MAGI2: variants seen among roughly 807,000 people sequenced by gnomAD.
The protein encoded by MAGI2 is membrane-associated guanylate kinase, WW and PDZ domain-containing protein 2.
MAGI2 carries 35 observed loss-of-function variants against 133.3 expected under a neutral mutation model. The ratio of observed to expected loss-of-function variants is 0.26; its 90% CI spans 0.20 to 0.35. The LOEUF is 0.35. Among genes scored for constraint, MAGI2 ranks in the 10% least tolerant of loss-of-function variants. The pLI, the probability that MAGI2 is intolerant of heterozygous loss-of-function variation, is 1.00. For synonymous variants in MAGI2, 729 were observed against 710.6 expected (o/e 1.03, Z -0.41); for missense variants, 1,636 against 1,863.4 (o/e 0.88, Z 2.25).
At chr7:78,838,059 T>C (rs1379254605) in intron 2 of MAGI2, among the ~76,000 whole-genome samples, 3 of 152,146 alleles carry the variant, frequency 2.0e-5, no homozygotes, top group African/African-American at 7.2e-5. Flanking sequence ...GCATCTTTAA[T>C]GCATCCACTT....
chr7:78,790,549 T>C (rs1052011346), intron 2 of MAGI2, among the ~76,000 whole-genome samples: 33 of 152,108 alleles, frequency 2.2e-4, no homozygotes, highest in African/African-American at 7.7e-4. Context: ...TTCTCATGCC[T>C]CAGCCTCTCA....
At chr7:78,331,927 G>C (rs1789247668) in intron 9 of MAGI2, among the ~76,000 whole-genome samples, 1 of 152,146 alleles carries the variant, frequency 6.6e-6, no homozygotes, top group African/African-American at 2.4e-5. Context: ...TAAGTGCATT[G>C]ACTTCCATGA....
intron 6 of MAGI2, among the ~76,000 whole-genome samples, chr7:78,471,854 G>T (rs991951578): frequency 7.2e-5 from 11 of 152,080 alleles, no homozygotes; most frequent in Admixed American, 7.2e-4. Flanking sequence ...GAACTCAGGA[G>T]ATGGAGGTTG....
chr7:79,207,932 T>A (rs1829191462), intron 1 of MAGI2, among the ~76,000 whole-genome samples: 1 of 151,768 alleles, frequency 6.6e-6, no homozygotes, highest in South Asian at 2.1e-4. Flanking sequence ...AACACACAAA[T>A]GAGAAATGCC....
intron 1 of MAGI2, among the ~76,000 whole-genome samples, chr7:79,064,395 G>A (rs1248602514): frequency 1.3e-5 from 2 of 152,014 alleles, no homozygotes; most frequent in Non-Finnish European, 2.9e-5. Flanking sequence ...ACTTGCATAA[G>A]ACCACAGAGT....
At chr7:79,080,375 T>C (rs961810101) in intron 1 of MAGI2, among the ~76,000 whole-genome samples, 1 of 152,076 alleles carries the variant, frequency 6.6e-6, no homozygotes, top group African/African-American at 2.4e-5. Flanking sequence ...TTATATATAT[T>C]CTCTGCATCC....
At chr7:79,378,350 C>A (rs1244686494) in intron 1 of MAGI2, among the ~76,000 whole-genome samples, 5 of 151,750 alleles carry the variant, frequency 3.3e-5, no homozygotes, top group Non-Finnish European at 5.9e-5. Flanking sequence ...CCTTGTAAAA[C>A]TTCTGTGAGG....
At chr7:78,579,394 A>C (rs1015234985) in intron 3 of MAGI2, among the ~76,000 whole-genome samples, 7 of 152,192 alleles carry the variant, frequency 4.6e-5, no homozygotes, top group African/African-American at 1.7e-4. Context: ...GAAGACAAAC[A>C]AGAAGCAGCA....
chr7:78,273,783 A>G (rs1472008274), intron 9 of MAGI2, among the ~76,000 whole-genome samples: 1 of 152,078 alleles, frequency 6.6e-6, no homozygotes, highest in Non-Finnish European at 1.5e-5. Context: ...TTTCAGCTCC[A>G]TCAGGTCATT....
chr7:78,289,014 A>G (rs1037812302), intron 9 of MAGI2, among the ~76,000 whole-genome samples: 2 of 152,208 alleles, frequency 1.3e-5, no homozygotes, highest in Non-Finnish European at 2.9e-5. Flanking sequence ...CAGAGCAGAA[A>G]AGCTGAAAAT....
intron 2 of MAGI2, among the ~76,000 whole-genome samples, chr7:78,640,278 A>G (rs1402842700): frequency 1.3e-5 from 2 of 152,086 alleles, no homozygotes; most frequent in Non-Finnish European, 2.9e-5. Context: ...GAATAAAACT[A>G]TCCTGTAATA....
intron 6 of MAGI2, among the ~76,000 whole-genome samples, chr7:78,489,534 G>A (rs533099176): frequency 6.6e-6 from 1 of 152,186 alleles, no homozygotes; most frequent in Non-Finnish European, 1.5e-5. Context: ...AACCAACAGA[G>A]ATGACAGAGA....
At chr7:78,601,190 T>G (rs1427354257) in intron 3 of MAGI2, among the ~76,000 whole-genome samples, 1 of 152,162 alleles carries the variant, frequency 6.6e-6, no homozygotes, top group Non-Finnish European at 1.5e-5. Flanking sequence ...GTACCTTCTA[T>G]GTGCCACACA....
At chr7:78,179,966 G>A (rs112798314) in intron 13 of MAGI2, among the ~76,000 whole-genome samples, 2 of 152,150 alleles carry the variant, frequency 1.3e-5, no homozygotes, top group African/African-American at 4.8e-5. Context: ...ATCATAGCAG[G>A]TATCTGTACT....
rs141706039 is a variant in MAGI2, at chr7:78,704,646, A to G, written c.419-77407T>C. Among the ~76,000 whole-genome samples, 1,163 of 152,196 alleles carry G rather than the reference A, an allele frequency of 7.6e-3. 13 individuals carry two copies. The highest frequency in any genetic ancestry group is 0.026 in the African/African-American group (1,099 of 41,528). ...TCACAACAGCAAGGAAATTGAGTCA[A>G]CCTAAATGCCCATTAACAGTAAACT... On this transcript the variant is annotated intron_variant, in intron 2 of 21. Coordinates refer to ENST00000354212, the MANE Select transcript of MAGI2 (RefSeq NM_012301.4).
intron 2 of MAGI2, among the ~76,000 whole-genome samples, chr7:78,973,010 C>A: frequency 6.6e-6 from 1 of 151,650 alleles, no homozygotes; most frequent in African/African-American, 2.4e-5. Context: ...ATATATTTAT[C>A]ATTTCCCTCA....
At chr7:78,143,205 G>C (rs749174165) in intron 16 of MAGI2, among the ~76,000 whole-genome samples, 1 of 152,130 alleles carries the variant, frequency 6.6e-6, no homozygotes, top group African/African-American at 2.4e-5. Context: ...TAACCAAACA[G>C]CAAGCCGATT....
intron 2 of MAGI2, among the ~76,000 whole-genome samples, chr7:78,917,564 T>C (rs2151627649): frequency 6.6e-6 from 1 of 152,262 alleles, no homozygotes; most frequent in East Asian, 1.9e-4. Flanking sequence ...CACCAACAAC[T>C]AATTCTTTTG....
chr7:78,122,736 A>G (rs527997724), intron 20 of MAGI2, among the ~76,000 whole-genome samples: 1 of 152,298 alleles, frequency 6.6e-6, no homozygotes, highest in South Asian at 2.1e-4. Flanking sequence ...TGACTCTCAG[A>G]TTTTTATTTA....
Sources: gnomAD v4.1 joint callset for allele counts (sites outside exome capture counted in the v4.1 genomes callset) on GRCh38, gnomAD v4.1.1 for gene constraint, MANE v1.5 for transcripts, NCBI Gene and HGNC (gene_info 2026-07-23, HGNC 2026-07-21) for gene names.